MYO9A: variants seen among roughly 807,000 people sequenced by gnomAD.
MYO9A encodes the protein unconventional myosin-IXa.
Under a neutral mutation model 293.3 loss-of-function variants are expected in MYO9A, and 103 were observed. That is an observed-to-expected ratio of 0.35 (90% CI 0.30 to 0.41). The LOEUF (loss-of-function observed/expected upper bound fraction) is 0.41, where lower values mean the gene tolerates loss of function less well. Among genes scored for constraint, MYO9A ranks in the 10% least tolerant of loss-of-function variants. The pLI, the probability that MYO9A is intolerant of heterozygous loss-of-function variation, is 1.00. For synonymous variants in MYO9A, 1,001 were observed against 1,035.7 expected (o/e 0.97, Z 0.64); for missense variants, 2,685 against 3,033.0 (o/e 0.89, Z 2.69).
intron 32 of MYO9A, among the ~76,000 whole-genome samples, chr15:71,865,716 TTA>T (rs1222548018): frequency 6.6e-6 from 1 of 152,160 alleles, no homozygotes; most frequent in Non-Finnish European, 1.5e-5. Flanking sequence ...TGTTCTCAAA[TTA>T]TATAGTGGTA....
At chr15:72,021,134 T>A (rs934820756) in intron 4 of MYO9A, 117 bp from the exon 5 acceptor site, 2 of 621,928 alleles carry the variant, frequency 3.2e-6, no homozygotes, top group Non-Finnish European at 2.7e-6. Context: ...CTTCATTTTT[T>A]AATATAAATG....
At position 71,851,283 on chromosome 15, in the gene MYO9A, G is replaced by A; in HGVS notation, c.6551C>T (p.Thr2184Ile). The change falls in exon 37 of 42, where the codon ACA becomes ATA. Residue 2184 changes from threonine (T) to isoleucine (I), a missense_variant. Coordinates refer to ENST00000356056, the MANE Select transcript of MYO9A (RefSeq NM_006901.4). ...TAGATGAAAGATGAGGCGTTCCAGT[G>A]TATTGAGATGAGTTCGGGAGAGTTG... is the stretch of plus-strand genomic sequence containing the variant. The part of the protein sequence containing the change: ...IDQLSRTHLN[T>I]LERLIFHLVR... 1.2e-6 allele frequency: 2 copies of A among 1,613,956 alleles called. No individual in the cohort carries two copies. Among genetic ancestry groups the A allele is most frequent in the South Asian group, 2.2e-5 (2 of 91,024 alleles).
At chr15:72,024,930 G>A (rs968671595) in intron 4 of MYO9A, among the ~76,000 whole-genome samples, 5 of 151,964 alleles carry the variant, frequency 3.3e-5, no homozygotes, top group African/African-American at 7.3e-5. Context: ...AAAAAAAATC[G>A]TAACACATAT....
At chr15:72,003,885 A>T (rs1456976084) in intron 8 of MYO9A, among the ~76,000 whole-genome samples, 4 of 152,164 alleles carry the variant, frequency 2.6e-5, no homozygotes, top group Non-Finnish European at 5.9e-5. Flanking sequence ...GACCTCTCTC[A>T]AACCCTTGAG....
At chr15:72,020,238 T>C (rs2077465173) in intron 5 of MYO9A, among the ~76,000 whole-genome samples, 1 of 152,236 alleles carries the variant, frequency 6.6e-6, no homozygotes, top group African/African-American at 2.4e-5. Context: ...AAATGACCTA[T>C]TGTTTTACTA....
At chr15:72,113,040 G>A (rs1464369461) in intron 1 of MYO9A, among the ~76,000 whole-genome samples, 1 of 152,088 alleles carries the variant, frequency 6.6e-6, no homozygotes, top group Non-Finnish European at 1.5e-5. Flanking sequence ...AGACCAGCCT[G>A]GGCAACACAG....
chr15:72,089,447 C>T (rs184275779), intron 1 of MYO9A, among the ~76,000 whole-genome samples: 1 of 152,118 alleles, frequency 6.6e-6, no homozygotes, highest in Non-Finnish European at 1.5e-5. Context: ...CAGGCATCAG[C>T]CACTGTGCCC....
chr15:72,011,082 T>C (rs1296633029), intron 6 of MYO9A, among the ~76,000 whole-genome samples: 2 of 151,846 alleles, frequency 1.3e-5, no homozygotes, highest in African/African-American at 4.8e-5. Flanking sequence ...TGATCTTGGC[T>C]CACTGCAGCT....
Position 71,880,404 on chromosome 15 carries a change from T to C in MYO9A, c.5553A>G (p.Gln1851=), listed in dbSNP as rs28380258. ...TTGCTATGATCTGGACAGAGTCATT[T>C]TGCCAATGCATAGAATCCAAAGCCA... ...SNVALDSMHW[Q]NDSVQIIASV... is the part of the protein sequence containing the mutation. The change falls in exon 29 of 42, where the codon CAA becomes CAG. Residue 1851 remains glutamine, a synonymous_variant. Coordinates refer to ENST00000356056, the MANE Select transcript of MYO9A (RefSeq NM_006901.4). The C allele has an allele frequency of 4.6e-3, 7,404 of 1,614,216 alleles. 276 individuals carry two copies. The African/African-American group carries it at 0.085, about 18-fold the overall frequency.
At chr15:72,077,147 A>T (rs1320768321) in intron 1 of MYO9A, among the ~76,000 whole-genome samples, 3 of 152,190 alleles carry the variant, frequency 2.0e-5, no homozygotes, top group Non-Finnish European at 4.4e-5. Flanking sequence ...CATGGGGGAA[A>T]ATCTTGGTAA....
At chr15:72,113,998 A>G (rs1314378688) in intron 1 of MYO9A, among the ~76,000 whole-genome samples, 1 of 152,212 alleles carries the variant, frequency 6.6e-6, no homozygotes, top group Non-Finnish European at 1.5e-5. Flanking sequence ...AAGCTATGAC[A>G]TAGGGGGAAA....
intron 1 of MYO9A, among the ~76,000 whole-genome samples, chr15:72,063,295 A>C (rs534057375): frequency 6.6e-6 from 1 of 152,334 alleles, no homozygotes; most frequent in East Asian, 1.9e-4. Context: ...CTCTCAAACC[A>C]CTGAAAGAAA....
At chr15:71,846,974 T>G (rs2055415524) in intron 39 of MYO9A, among the ~76,000 whole-genome samples, 1 of 152,222 alleles carries the variant, frequency 6.6e-6, no homozygotes, top group Non-Finnish European at 1.5e-5. Context: ...GTCACAGATA[T>G]GAATGGACAA....
intron 2 of MYO9A, among the ~76,000 whole-genome samples, chr15:72,041,890 AC>A (rs1278232612): frequency 1.3e-5 from 2 of 151,784 alleles, no homozygotes; most frequent in Non-Finnish European, 2.9e-5. Context: ...AAAAAAAAAA[AC>A]AGTAATAATA....
In MYO9A at chr15:72,046,244, A is replaced by G. The variant is rs1350500400; in HGVS notation, c.320T>C (p.Leu107Pro). ...RLSGEDYRFL[L>P]REKNLDGSIH... is the part of the protein sequence containing the mutation. ...TGATCCATCAAGGTTTTTCTCTCTC[A>G]GAAGGAAGCGGTAGTCCTCTCCACT... Residue 107 changes from leucine to proline, a missense_variant, in exon 2 of 42, where the codon CTG becomes CCG. By Grantham distance (98) the Leu-to-Pro change is moderately conservative. Coordinates refer to ENST00000356056, the MANE Select transcript of MYO9A (RefSeq NM_006901.4). 6.2e-7 allele frequency: 1 copy of G among 1,613,904 alleles called. No individual in the cohort carries two copies. The highest frequency in any genetic ancestry group is 1.3e-5 in the African/African-American group (1 of 75,046).
At chr15:72,116,283 A>AT (rs5813676) in intron 1 of MYO9A, among the ~76,000 whole-genome samples, 6,743 of 152,226 alleles carry the variant, frequency 0.044, 265 homozygotes, top group East Asian at 0.18. Context: ...TTACTTTAAC[A>AT]TTTTTTACTG....
intron 2 of MYO9A, among the ~76,000 whole-genome samples, chr15:72,038,790 A>G (rs1263240368): frequency 1.3e-5 from 2 of 152,228 alleles, no homozygotes; most frequent in African/African-American, 4.8e-5. Flanking sequence ...CGTGAGAGAA[A>G]TAAGAGTCTA....
At chr15:71,902,517 T>C (rs2057514767) in intron 22 of MYO9A, among the ~76,000 whole-genome samples, 1 of 151,842 alleles carries the variant, frequency 6.6e-6, no homozygotes, top group Non-Finnish European at 1.5e-5. Context: ...TAAGAATCTC[T>C]TTGTAAAAGG....
chr15:71,830,001 A>G (rs762902293), intron 40 of MYO9A, 108 bp downstream of exon 40: 11 of 1,105,652 alleles, frequency 9.9e-6, no homozygotes, highest in Non-Finnish European at 1.5e-5. Context: ...CATCTGACAC[A>G]GTGTTTAACA....
Sources: allele counts gnomAD v4.1 joint callset (sites outside exome capture counted in the v4.1 genomes callset), GRCh38; gene constraint gnomAD v4.1.1; transcripts MANE v1.5; gene names NCBI Gene and HGNC (gene_info 2026-07-23, HGNC 2026-07-21).